The following DNMT3A variants were observed in gnomAD, a reference collection of about 807,000 sequenced individuals.
DNMT3A encodes the protein DNA (cytosine-5)-methyltransferase 3A.
In DNMT3A, 267 loss-of-function variants were observed where a neutral mutation model predicts 117.6. The observed-to-expected ratio is 2.27, with a 90% CI of 2.05 to 2.51. DNMT3A has a LOEUF of 2.51. Ranked by LOEUF, DNMT3A falls within the 30% of genes most tolerant of loss-of-function variation. The probability of loss-of-function intolerance (pLI) is 0.00; values close to 1 mark genes in which losing one functional copy is unlikely to be tolerated. For missense variants in DNMT3A, 1,029 were observed against 1,260.2 expected, an observed-to-expected ratio of 0.82 and a Z score of 2.78; for synonymous variants, 432 against 474.8, an observed-to-expected ratio of 0.91 and a Z score of 1.17.
At chr2:25,244,880 AG>A (rs1674553093) in intron 13 of DNMT3A, among the ~76,000 whole-genome samples, 1 of 152,148 alleles carries the variant, frequency 6.6e-6, no homozygotes, top group Non-Finnish European at 1.5e-5. Context: ...AAGGCCAGGG[AG>A]GGGGCTGCAC....
At position 25,340,794 on chromosome 2, in the gene DNMT3A, AC is replaced by A. The variant is rs1430011988; in HGVS notation, c.-178+1031del. ...GTGCTGGAGGGGCGACCCCGGGCGTACCCCCCCTGCGCCGCTCCCGGTCCCG... is the reference window on the plus strand; with the variant it reads ...GTGCTGGAGGGGCGACCCCGGGCGTACCCCCCTGCGCCGCTCCCGGTCCCG... On this transcript the variant is annotated intron_variant, in intron 1 of 22. Transcript: ENST00000321117. Among the ~76,000 whole-genome samples the A allele has an allele frequency of 7.9e-5, 11 of 139,558 alleles. No homozygotes were observed. In the South Asian group the frequency reaches 2.4e-3, roughly 31 times the overall value. 91.6% of individuals were successfully genotyped at this position (139,558 alleles called of 152,430 possible).
chr2:25,275,410 G>GGCCCCCCCCCCCCCCCCC, intron 5 of DNMT3A, 90 bp downstream of exon 5: 1 of 1,451,160 alleles, frequency 6.9e-7, no homozygotes, highest in Non-Finnish European at 9.4e-7. Flanking sequence ...AGGAGGAGGG[G>GGCCCCCCCCCCCCCCCCC]CCCACCCTCC....
At chr2:25,295,148 C>A (rs2033012513) in intron 3 of DNMT3A, among the ~76,000 whole-genome samples, 1 of 152,180 alleles carries the variant, frequency 6.6e-6, no homozygotes, top group African/African-American at 2.4e-5. Context: ...GGGCTGGCAA[C>A]CAGGCAGGAA....
At position 25,298,313 on chromosome 2, in the gene DNMT3A, C is replaced by T. The variant is rs2149402626; in HGVS notation, c.177+1826G>A. On this transcript the variant is annotated intron_variant, in intron 3 of 22. Transcript: ENST00000321117. The surrounding 1 kb of genome is among the most constrained non-coding windows in gnomAD (Gnocchi z 4.3). ...CCCCTCACTCGGCTGTGCCCCTCTT[C>T]TCTGTCATTGTCTAGGTGATGTCCC... 6.6e-6 allele frequency among the ~76,000 whole-genome samples: 1 copy of T among 152,304 alleles called. No individual in the cohort carries two copies. Among genetic ancestry groups the T allele is most frequent in the Non-Finnish European group, 1.5e-5 (1 of 68,018 alleles).
intron 1 of DNMT3A, among the ~76,000 whole-genome samples, chr2:25,319,279 G>T (rs1178740897): frequency 6.6e-6 from 1 of 151,912 alleles, no homozygotes; most frequent in Non-Finnish European, 1.5e-5. Context: ...CTCCCAAAGT[G>T]CTGGGATTAC....
intron 6 of DNMT3A, among the ~76,000 whole-genome samples, chr2:25,248,960 G>C (rs1044783998): frequency 2.0e-5 from 3 of 152,158 alleles, no homozygotes; most frequent in African/African-American, 7.2e-5. Context: ...TTGGTGTGCT[G>C]CACCCATTAA....
In DNMT3A at chr2:25,230,870, C is replaced by G. The variant is rs1672843198; in HGVS notation, c.*3409G>C. 1 of 133,340 alleles carries G rather than the reference C, an allele frequency of 7.5e-6. No homozygotes were observed. The highest frequency in any genetic ancestry group is 9.1e-5 in the Admixed American group (1 of 10,952). 8.3% of individuals were successfully genotyped at this position (133,340 alleles called of 1,614,324 possible). A position where few individuals can be genotyped will look rare whatever the true frequency, so the allele number is the denominator to read the frequency against. ...GGTCAAGTGGCTAGATCTGGAGGAA[C>G]AAGTGCTCTCAAGCTGTCAGCCATA... On this transcript the variant is annotated 3_prime_UTR_variant, in exon 23 of 23. Coordinates refer to ENST00000321117, the MANE Select transcript of DNMT3A (RefSeq NM_022552.5).
At chr2:25,288,300 A>G (rs1194139066) in intron 3 of DNMT3A, among the ~76,000 whole-genome samples, 1 of 151,818 alleles carries the variant, frequency 6.6e-6, no homozygotes, top group Non-Finnish European at 1.5e-5. Flanking sequence ...CAGGCGTGGT[A>G]GCAGGCGCCT....
intron 6 of DNMT3A, among the ~76,000 whole-genome samples, chr2:25,262,276 C>A (rs1048564804): frequency 6.6e-6 from 1 of 151,492 alleles, no homozygotes; most frequent in Non-Finnish European, 1.5e-5. Flanking sequence ...GCTCAAAAAT[C>A]CACCCCCTCC....
rs773208295 is a variant in DNMT3A at position 25,247,595 on chromosome 2, G to C, written c.1010C>G (p.Ser337Ter). The C allele has an allele frequency of 1.2e-6, 2 of 1,613,836 alleles. No homozygotes were observed. The highest frequency in any genetic ancestry group is 1.7e-6 in the Non-Finnish European group (2 of 1,179,900). ...CTGCCAAACCCCACAACTTACCACT[G>C]AGAATTTGCCGTCTCCGAACCACAT... ...WVMWFGDGKF[S>*]VVCVEKLMPL... The change falls in exon 8 of 23, where the codon TCA (serine) becomes TGA (stop). Residue 337 changes from serine to a stop codon, truncating the protein, a stop_gained. Transcript: ENST00000321117. LOFTEE classifies it high-confidence loss of function. The surrounding 1 kb of genome is among the most constrained non-coding windows in gnomAD (Gnocchi z 5.6).
At chr2:25,291,462 T>C (rs2032759584) in intron 3 of DNMT3A, among the ~76,000 whole-genome samples, 1 of 152,214 alleles carries the variant, frequency 6.6e-6, no homozygotes, top group African/African-American at 2.4e-5. Context: ...GATGCCCCCT[T>C]GCTCGGCCTT....
chr2:25,268,030 C>A (rs1437514167), intron 6 of DNMT3A, among the ~76,000 whole-genome samples: 1 of 152,096 alleles, frequency 6.6e-6, no homozygotes, highest in Non-Finnish European at 1.5e-5. Context: ...CCAAAGGTCG[C>A]AGTAAACAGC....
intron 20 of DNMT3A, among the ~76,000 whole-genome samples, chr2:25,238,388 T>C (rs1286041828): frequency 6.6e-6 from 1 of 152,140 alleles, no homozygotes; most frequent in Admixed American, 6.5e-5. Context: ...CTCCTAGTTA[T>C]ACCAAGTATA....
rs11894849 is a variant in DNMT3A, at chr2:25,257,307, C to T, written c.640-9055G>A. On this transcript the variant is annotated intron_variant, in intron 6 of 22. Transcript: ENST00000321117. This position sits in a 1 kb window ranked among gnomAD's most constrained non-coding sequence, Gnocchi z 4.8. Reference sequence around the variant, plus strand: ...CTCGCACCTAGCGGTGTTCTGCCTTCTGGCAGCTCCTGGCTGATGCTCTAA... The same window carrying T: ...CTCGCACCTAGCGGTGTTCTGCCTTTTGGCAGCTCCTGGCTGATGCTCTAA... Among the ~76,000 whole-genome samples the T allele has an allele frequency of 0.01, 1,589 of 152,354 alleles. 33 individuals carry two copies. Among genetic ancestry groups the T allele is most frequent in the African/African-American group, 0.036 (1,494 of 41,580 alleles).
At chr2:25,331,332 A>G (rs2035006069) in intron 1 of DNMT3A, among the ~76,000 whole-genome samples, 1 of 152,210 alleles carries the variant, frequency 6.6e-6, no homozygotes, top group African/African-American at 2.4e-5. Context: ...ATAGCCTTCC[A>G]CATTATCCTT....
At chr2:25,246,460 G>T in intron 10 of DNMT3A, 151 bp from the exon 11 acceptor site, 1 of 1,424,896 alleles carries the variant, frequency 7.0e-7, no homozygotes, top group South Asian at 1.4e-5. Flanking sequence ...CAGAGAGCAG[G>T]TCATTCAAGT....
intron 3 of DNMT3A, among the ~76,000 whole-genome samples, chr2:25,290,991 C>T (rs1465160820): frequency 6.6e-6 from 1 of 152,172 alleles, no homozygotes; most frequent in East Asian, 1.9e-4. Flanking sequence ...AACCGGGAAC[C>T]CTGGCATCAG....
Position 25,337,539 on chromosome 2 carries a change from T to A in DNMT3A, c.-178+4287A>T, listed in dbSNP as rs1392646825. Reference sequence around the variant, plus strand: ...TGCCCAAGTTCCTGCCGCTGGGAGGTGTCAGAGTGCAGCTCCCTGTGACTC... The same window carrying A: ...TGCCCAAGTTCCTGCCGCTGGGAGGAGTCAGAGTGCAGCTCCCTGTGACTC... On this transcript the variant is annotated intron_variant, in intron 1 of 22. Transcript: ENST00000321117. The surrounding 1 kb of genome is among the most constrained non-coding windows in gnomAD (Gnocchi z 5.0). Among the ~76,000 whole-genome samples, 1 of 151,958 alleles carries A rather than the reference T, an allele frequency of 6.6e-6. No individual in the cohort carries two copies. Among genetic ancestry groups the A allele is most frequent in the African/African-American group, 2.4e-5 (1 of 41,356 alleles).
At chr2:25,278,910 G>A (rs1298932997) in intron 4 of DNMT3A, among the ~76,000 whole-genome samples, 1 of 152,160 alleles carries the variant, frequency 6.6e-6, no homozygotes, top group Non-Finnish European at 1.5e-5. Flanking sequence ...TCATATACAT[G>A]GGAAGCATGA....
Sources: allele counts gnomAD v4.1 joint callset (sites outside exome capture counted in the v4.1 genomes callset), GRCh38; gene constraint gnomAD v4.1.1; non-coding constraint Gnocchi (gnomAD v3.1); transcripts MANE v1.5; gene names NCBI Gene and HGNC (gene_info 2026-07-23, HGNC 2026-07-21).